KLRB1: variants seen among roughly 807,000 people sequenced by gnomAD.
The protein encoded by KLRB1 is killer cell lectin-like receptor subfamily B member 1.
Under a neutral mutation model 33.5 loss-of-function variants are expected in KLRB1, and 27 were observed. The observed-to-expected ratio is 0.81, with a 90% confidence interval of 0.59 to 1.11. KLRB1 has a LOEUF of 1.11. KLRB1 is among the 50% of genes most tolerant of loss of function. The probability of loss-of-function intolerance (pLI) is 0.00; values close to 1 mark genes in which losing one functional copy is unlikely to be tolerated. For missense variants in KLRB1, 241 were observed against 254.1 expected (o/e 0.95, Z 0.35); for synonymous variants, 64 against 88.9 (o/e 0.72, Z 1.58).
At position 9,598,127 on chromosome 12, in the gene KLRB1, A is replaced by G; in HGVS notation, c.449T>C (p.Ile150Thr). ...AAAATTTAATCCAATCCAAAACAGA[A>G]TTGCTTTGTCACGTATCAGGTTCTG... ...HTQNLIRDKA[I>T]LFWIGLNFSL... The change falls in exon 5 of 6, where the codon ATT (isoleucine) becomes ACT (threonine). Residue 150 changes from isoleucine (I) to threonine (T), a missense_variant. Ile to Thr is a moderately conservative substitution (Grantham distance 89). Transcript: ENST00000229402. 1 of 1,602,344 alleles carries G rather than the reference A, an allele frequency of 6.2e-7. No homozygotes were observed.
intron 1 of KLRB1, among the ~76,000 whole-genome samples, chr12:9,605,760 C>G (rs1049926766): frequency 2.6e-5 from 4 of 152,288 alleles, no homozygotes; most frequent in Admixed American, 1.3e-4. Context: ...CAATATCAGA[C>G]CAGTGTTCTA....
chr12:9,600,135 C>G lies in KLRB1; in HGVS notation c.185-294G>C, dbSNP rs939205299. On this transcript the variant is annotated intron_variant, in intron 2 of 5. Transcript: ENST00000229402. ...TAAGCTCTTAAATTGCCTACAGTCT[C>G]ACCTGAACTTTATCATCTTCAAAAT... Among the ~76,000 whole-genome samples, 31 of 152,162 alleles carry G rather than the reference C, an allele frequency of 2.0e-4. 1 individual carries two copies. Among genetic ancestry groups the G allele is most frequent in the South Asian group, 4.1e-4 (2 of 4,822 alleles).
At chr12:9,601,354 G>A (rs1864539301) in intron 2 of KLRB1, 147 bp downstream of exon 2, 2 of 546,108 alleles carry the variant, frequency 3.7e-6, no homozygotes, top group Non-Finnish European at 6.6e-6. Flanking sequence ...CTTTGTCTCT[G>A]TGTCTTTTTC....
At chr12:9,598,263 C>G (rs1864509379) in intron 4 of KLRB1, 102 bp from the exon 5 acceptor site, 1 of 814,528 alleles carries the variant, frequency 1.2e-6, no homozygotes, top group Admixed American at 2.4e-5. Context: ...TCTTTCCTAA[C>G]TCGTCGTCAG....
chr12:9,601,697 G>T, intron 1 of KLRB1, 98 bp from the exon 2 acceptor site: 1 of 745,820 alleles, frequency 1.3e-6, no homozygotes, highest in East Asian at 2.7e-5. Context: ...AAATGTACTT[G>T]GGATAACATA....
intron 5 of KLRB1, among the ~76,000 whole-genome samples, chr12:9,596,452 A>G (rs1483477938): frequency 6.6e-6 from 1 of 152,180 alleles, no homozygotes; most frequent in Non-Finnish European, 1.5e-5. Flanking sequence ...TTGATGAGAC[A>G]TCTGGCTAGC....
rs372726013 is a variant in KLRB1, at chr12:9,602,206, T to C, written c.86-607A>G. Among the ~76,000 whole-genome samples, 14 of 152,322 alleles carry C rather than the reference T, an allele frequency of 9.2e-5. No individual in the cohort carries two copies. In the East Asian group the frequency reaches 2.1e-3, roughly 23 times the overall value. On this transcript the variant is annotated intron_variant, in intron 1 of 5. Coordinates refer to ENST00000229402, the MANE Select transcript of KLRB1 (RefSeq NM_002258.3). The stretch of plus-strand genomic sequence containing the variant: ...ACCTTTTTCAATATTATCACTAGTA[T>C]AACATAACATGCGCTTATGTCTACA...
intron 1 of KLRB1, among the ~76,000 whole-genome samples, chr12:9,607,510 A>G (rs747214616): frequency 4.7e-4 from 72 of 151,678 alleles, no homozygotes; most frequent in African/African-American, 1.7e-3. Context: ...TCTTTTAACC[A>G]AGGCTCAGTA....
chr12:9,599,260 C>T (rs752484830), intron 3 of KLRB1, among the ~76,000 whole-genome samples: 1 of 152,328 alleles, frequency 6.6e-6, no homozygotes, highest in East Asian at 1.9e-4. Flanking sequence ...AACTTCCATT[C>T]TGTGAGAATG....
At chr12:9,598,211 G>T in intron 4 of KLRB1, 50 bp from the exon 5 acceptor site, 2 of 1,234,082 alleles carry the variant, frequency 1.6e-6, no homozygotes, top group South Asian at 2.5e-5. Context: ...TTCCTGGTTT[G>T]ATCCCCTAAA....
At position 9,606,691 on chromosome 12, in the gene KLRB1, GTA is replaced by G. The variant is rs56320334; in HGVS notation, c.85+1062_85+1063del. Among the ~76,000 whole-genome samples, 490 of 73,354 alleles carry G rather than the reference GTA, an allele frequency of 6.7e-3. 19 individuals are homozygous for G. Among genetic ancestry groups the G allele is most frequent in the Middle Eastern group, 0.03 (4 of 134 alleles). 48.1% of individuals were successfully genotyped at this position (73,354 alleles called of 152,430 possible). A position where few individuals can be genotyped will look rare whatever the true frequency, so the allele number is the denominator to read the frequency against. ...AATATATAAAATATATGTATAAAAA[GTA>G]TATATATATATATAAAATATATAAA... On this transcript the variant is annotated intron_variant, in intron 1 of 5. Coordinates refer to ENST00000229402, the MANE Select transcript of KLRB1 (RefSeq NM_002258.3).
intron 1 of KLRB1, among the ~76,000 whole-genome samples, chr12:9,605,268 T>C (rs1013632679): frequency 6.6e-6 from 1 of 152,184 alleles, no homozygotes; most frequent in Non-Finnish European, 1.5e-5. Flanking sequence ...TCCAAGTCTT[T>C]GCTATTGTGA....
At position 9,599,842 on chromosome 12, in the gene KLRB1, C is replaced by T. The variant is rs1479062717; in HGVS notation, c.185-1G>A. On this transcript the variant is annotated splice_acceptor_variant, in intron 2 of 5. Transcript: ENST00000229402. LOFTEE classifies it high-confidence loss of function. ...GATGATTTCTGTATTAAGGATGTCA[C>T]TAGTACATAAGGAAAAACAAGAGTA... 1 of 1,547,696 alleles carries T rather than the reference C, an allele frequency of 6.5e-7. No individual in the cohort carries two copies. Among genetic ancestry groups the T allele is most frequent in the African/African-American group, 1.4e-5 (1 of 73,432 alleles).
intron 5 of KLRB1, among the ~76,000 whole-genome samples, chr12:9,597,388 A>C (rs1864501296): frequency 6.8e-6 from 1 of 147,188 alleles, no homozygotes; most frequent in Non-Finnish European, 1.5e-5. Flanking sequence ...ATTATCCATG[A>C]ATTCTGCTAA....
chr12:9,601,673 T>C lies in KLRB1; in HGVS notation c.86-74A>G, dbSNP rs570069313. On this transcript the variant is annotated intron_variant, in intron 1 of 5. Transcript: ENST00000229402. ...AAAAACCTTGGTTAACTCAGTGGAG[T>C]ACATCTGGCACAAAAATGTACTTGG... is the stretch of plus-strand genomic sequence containing the variant. 1,707 of 955,690 alleles carry C rather than the reference T, an allele frequency of 1.8e-3. 16 individuals are homozygous for C. Among genetic ancestry groups the C allele is most frequent in the African/African-American group, 9.6e-3 (603 of 62,732 alleles). 59.2% of individuals were successfully genotyped at this position (955,690 alleles called of 1,614,324 possible).
chr12:9,606,041 C>T lies in KLRB1; in HGVS notation c.85+1714G>A, dbSNP rs890026742. On this transcript the variant is annotated intron_variant, in intron 1 of 5. Coordinates refer to ENST00000229402, the MANE Select transcript of KLRB1 (RefSeq NM_002258.3). Reference sequence around the variant, plus strand: ...AAAAAAAATGTTACTCAACCAAATCCTCCCTATAGTTATTAGAACCCTCTG... The same window carrying T: ...AAAAAAAATGTTACTCAACCAAATCTTCCCTATAGTTATTAGAACCCTCTG... Among the ~76,000 whole-genome samples, 129 of 152,088 alleles carry T rather than the reference C, an allele frequency of 8.5e-4. 1 individual carries two copies. The highest frequency in any genetic ancestry group is 2.7e-3 in the African/African-American group (113 of 41,410).
At chr12:9,596,355 A>T (rs193135254) in intron 5 of KLRB1, among the ~76,000 whole-genome samples, 4 of 152,128 alleles carry the variant, frequency 2.6e-5, no homozygotes, top group Non-Finnish European at 4.4e-5. Flanking sequence ...TGTTTCTTCA[A>T]TTATCAGGGT....
In KLRB1 at chr12:9,606,705, ATAAAATATATAAAATATATGTATAAAAAG is replaced by A. The variant is rs1347427384; in HGVS notation, c.85+1021_85+1049del. On this transcript the variant is annotated intron_variant, in intron 1 of 5. Coordinates refer to ENST00000229402, the MANE Select transcript of KLRB1 (RefSeq NM_002258.3). ...ATGTATAAAAAGTATATATATATAT[ATAAAATATATAAAATATATGTATAAAAAG>A]TATATATATATATATATATATATAT... Among the ~76,000 whole-genome samples, 22 of 72,386 alleles carry A rather than the reference ATAAAATATATAAAATATATGTATAAAAAG, an allele frequency of 3.0e-4. 1 individual carries two copies. Among genetic ancestry groups the A allele is most frequent in the African/African-American group, 1.0e-3 (19 of 18,640 alleles). The allele number at this position is 72,386 out of a possible 152,430, so 47.5% of individuals were successfully genotyped here.
At chr12:9,605,555 G>A (rs1490741753) in intron 1 of KLRB1, among the ~76,000 whole-genome samples, 1 of 152,212 alleles carries the variant, frequency 6.6e-6, no homozygotes, top group Non-Finnish European at 1.5e-5. Flanking sequence ...AACTCTAGGG[G>A]CATTTTTGCA....
Sources: gnomAD v4.1 joint callset for allele counts (sites outside exome capture counted in the v4.1 genomes callset) on GRCh38, gnomAD v4.1.1 for gene constraint, MANE v1.5 for transcripts, NCBI Gene and HGNC (gene_info 2026-07-23, HGNC 2026-07-21) for gene names.